The following RANBP17 variants were observed in gnomAD, a reference collection of about 807,000 sequenced individuals.
RANBP17 encodes RAN binding protein 17.
In RANBP17, 158 loss-of-function variants were observed where a neutral mutation model predicts 141.2. The ratio of observed to expected loss-of-function variants is 1.12; its 90% confidence interval spans 0.98 to 1.28. RANBP17 has a LOEUF of 1.28. RANBP17 is among the 50% of genes most tolerant of loss of function. The pLI is 0.00. For missense variants in RANBP17, 1,438 were observed against 1,290.7 expected (o/e 1.11, Z -1.75); for synonymous variants, 430 against 450.0 (o/e 0.96, Z 0.56).
chr5:170,997,071 G>A lies in RANBP17; in HGVS notation c.1710+28694G>A, dbSNP rs557812425. On this transcript the variant is annotated intron_variant, in intron 14 of 27. Transcript: ENST00000523189. ...GGCAGTTTCCCCCCATGCTGTTCTC[G>A]TGATAGTGAGTGAGTTCTCACGAGA... Among the ~76,000 whole-genome samples, 10 of 152,222 alleles carry A rather than the reference G, an allele frequency of 6.6e-5. No individual in the cohort carries two copies. In the South Asian group the frequency reaches 1.5e-3, roughly 22 times the overall value.
chr5:170,936,036 A>G (rs116319665), intron 12 of RANBP17, among the ~76,000 whole-genome samples: 4,607 of 152,162 alleles, frequency 0.03, 233 homozygotes, highest in African/African-American at 0.1. Flanking sequence ...TTGCAGTTCC[A>G]TCTCAGGCTC....
intron 22 of RANBP17, among the ~76,000 whole-genome samples, chr5:171,229,759 G>GAAAAAAA (rs758827854): frequency 2.3e-5 from 2 of 88,338 alleles, no homozygotes; most frequent in Admixed American, 1.3e-4. Flanking sequence ...GATGCAAAAG[G>GAAAAAAA]AAAAAAAAAA....
chr5:171,187,458 T>C (rs1250902170), intron 18 of RANBP17, among the ~76,000 whole-genome samples: 1 of 149,218 alleles, frequency 6.7e-6, no homozygotes, highest in Non-Finnish European at 1.5e-5. Flanking sequence ...AAAAAAAAAG[T>C]GTGGTATCTG....
At chr5:171,029,538 C>CTTA (rs1221847256) in intron 14 of RANBP17, among the ~76,000 whole-genome samples, 1 of 152,008 alleles carries the variant, frequency 6.6e-6, no homozygotes, top group East Asian at 1.9e-4. Context: ...GAATTCTTTC[C>CTTA]TTTAATGTCA....
Position 170,968,335 on chromosome 5 carries a change from T to G in RANBP17, c.1668T>G (p.Phe556Leu). ...CAATTCTGTGGTTCTTGGATCAGTTTCGTAAAACATATGTTGGTGATCAAC... is the reference window on the plus strand; with the variant it reads ...CAATTCTGTGGTTCTTGGATCAGTTGCGTAAAACATATGTTGGTGATCAAC... ...ELAILWFLDQ[F>L]RKTYVGDQLQ... The change falls in exon 14 of 28, where the codon TTT (phenylalanine) becomes TTG (leucine). Residue 556 changes from phenylalanine (F) to leucine (L), a missense_variant. Phe to Leu is a conservative substitution (Grantham distance 22). Coordinates refer to ENST00000523189, the MANE Select transcript of RANBP17 (RefSeq NM_022897.5). 9 of 1,609,332 alleles carry G rather than the reference T, an allele frequency of 5.6e-6. No homozygotes were observed. The highest frequency in any genetic ancestry group is 6.8e-6 in the Non-Finnish European group (8 of 1,178,004).
chr5:171,298,038 A>G (rs1421349460), intron 27 of RANBP17, among the ~76,000 whole-genome samples: 1 of 151,440 alleles, frequency 6.6e-6, no homozygotes, highest in African/African-American at 2.4e-5. Context: ...TTATATTTTT[A>G]GTAGAGACGG....
chr5:171,048,636 C>G (rs1782750158), intron 14 of RANBP17, among the ~76,000 whole-genome samples: 1 of 152,116 alleles, frequency 6.6e-6, no homozygotes, highest in South Asian at 2.1e-4. Flanking sequence ...TCTCCCATCC[C>G]CTACCCTCCA....
chr5:171,081,895 A>T (rs1330052780), intron 14 of RANBP17, among the ~76,000 whole-genome samples: 5 of 152,150 alleles, frequency 3.3e-5, no homozygotes, highest in African/African-American at 1.2e-4. Context: ...GTTTTAGAGC[A>T]GTCACTTAAT....
Position 170,925,618 on chromosome 5 carries a change from G to A in RANBP17, c.1468+1068G>A, listed in dbSNP as rs1238989783. On this transcript the variant is annotated intron_variant, in intron 12 of 27. Coordinates refer to ENST00000523189, the MANE Select transcript of RANBP17 (RefSeq NM_022897.5). Reference sequence around the variant, plus strand: ...TAGGTCGTTTGCCAATACCTTTGCAGCATCTTTGTTCCTCTTTCCAAATCT... The same window carrying A: ...TAGGTCGTTTGCCAATACCTTTGCAACATCTTTGTTCCTCTTTCCAAATCT... Among the ~76,000 whole-genome samples, 4 of 152,246 alleles carry A rather than the reference G, an allele frequency of 2.6e-5. No homozygotes were observed. In the East Asian group the frequency reaches 7.7e-4, roughly 29 times the overall value.
intron 16 of RANBP17, among the ~76,000 whole-genome samples, chr5:171,180,913 T>C (rs1226926624): frequency 6.6e-6 from 1 of 152,208 alleles, no homozygotes; most frequent in Non-Finnish European, 1.5e-5. Flanking sequence ...TTGCTGTTTA[T>C]TAACAGCACT....
intron 14 of RANBP17, 98 bp downstream of exon 14, chr5:170,968,475 C>T (rs776936738): frequency 5.5e-5 from 59 of 1,078,404 alleles, no homozygotes; most frequent in East Asian, 2.5e-4. Flanking sequence ...CTACATAAGA[C>T]GTGTAATTGA....
At position 171,127,640 on chromosome 5, in the gene RANBP17, A is replaced by G. The variant is rs185125340; in HGVS notation, c.1711-42490A>G. ...ATTACTAATCATCCATGAAATGCAA[A>G]TCAAAACCACAATGAAGTGTCTTCT... On this transcript the variant is annotated intron_variant, in intron 14 of 27. Transcript: ENST00000523189. Among the ~76,000 whole-genome samples, 11 of 152,354 alleles carry G rather than the reference A, an allele frequency of 7.2e-5. No homozygotes were observed. In the East Asian group the frequency reaches 2.1e-3, roughly 29 times the overall value.
chr5:171,006,790 T>C (rs948416902), intron 14 of RANBP17, among the ~76,000 whole-genome samples: 1 of 151,464 alleles, frequency 6.6e-6, no homozygotes, highest in Non-Finnish European at 1.5e-5. Flanking sequence ...CCTCTGGGTC[T>C]AGGGTGGTAA....
At position 171,122,253 on chromosome 5, in the gene RANBP17, A is replaced by G. The variant is rs117586775; in HGVS notation, c.1711-47877A>G. On this transcript the variant is annotated intron_variant, in intron 14 of 27. Coordinates refer to ENST00000523189, the MANE Select transcript of RANBP17 (RefSeq NM_022897.5). ...GCTCTCCTTTCATCACTCCAGTCAA[A>G]TCATATCTGTTTATTTGTTGCCTTG... 4.9e-4 allele frequency among the ~76,000 whole-genome samples: 74 copies of G among 152,154 alleles called. No individual in the cohort carries two copies. The East Asian group carries it at 0.014, about 28-fold the overall frequency.
intron 3 of RANBP17, among the ~76,000 whole-genome samples, chr5:170,888,605 T>G (rs1481561635): frequency 6.6e-6 from 1 of 152,200 alleles, no homozygotes; most frequent in East Asian, 1.9e-4. Context: ...CATAATTTTT[T>G]GTCAGTTCTT....
chr5:171,079,170 C>T (rs1301186181), intron 14 of RANBP17, among the ~76,000 whole-genome samples: 10 of 152,078 alleles, frequency 6.6e-5, no homozygotes, highest in African/African-American at 2.4e-4. Flanking sequence ...ACTTCAGGAT[C>T]GGAAATAACT....
At chr5:171,144,114 A>G (rs1258100839) in intron 14 of RANBP17, among the ~76,000 whole-genome samples, 4 of 152,096 alleles carry the variant, frequency 2.6e-5, no homozygotes, top group Non-Finnish European at 2.9e-5. Context: ...TGTAATTTCA[A>G]CACTTCGGGA....
chr5:171,114,456 C>T (rs1755471144), intron 14 of RANBP17, among the ~76,000 whole-genome samples: 1 of 151,722 alleles, frequency 6.6e-6, no homozygotes, highest in Non-Finnish European at 1.5e-5. Flanking sequence ...ACTTGAGTCA[C>T]TTTTAAAGTT....
At chr5:171,092,592 T>A (rs1581617004) in intron 14 of RANBP17, among the ~76,000 whole-genome samples, 1 of 152,240 alleles carries the variant, frequency 6.6e-6, no homozygotes, top group Non-Finnish European at 1.5e-5. Context: ...AAATGAGGGC[T>A]GACACTGGAT....
Sources: allele counts gnomAD v4.1 joint callset (sites outside exome capture counted in the v4.1 genomes callset), GRCh38; gene constraint gnomAD v4.1.1; transcripts MANE v1.5; gene names NCBI Gene and HGNC (gene_info 2026-07-23, HGNC 2026-07-21).